Variants in ETV1 observed in about 807,000 individuals in gnomAD.
The protein encoded by ETV1 is ETS variant transcription factor 1.
ETV1 carries 27 observed loss-of-function variants against 62.3 expected under a neutral mutation model. That is an observed-to-expected ratio of 0.43 (90% CI 0.32 to 0.60). The LOEUF (loss-of-function observed/expected upper bound fraction) is 0.60, where lower values mean the gene tolerates loss of function less well. Ranked by LOEUF, ETV1 falls within the 20% of genes least tolerant of loss-of-function variation. The pLI, the probability that ETV1 is intolerant of heterozygous loss-of-function variation, is 0.06. For missense variants in ETV1, 605 were observed against 605.8 expected, an observed-to-expected ratio of 1.00 and a Z score of 0.01; for synonymous variants, 222 against 199.6, an observed-to-expected ratio of 1.11 and a Z score of -0.94.
intron 6 of ETV1, among the ~76,000 whole-genome samples, chr7:13,970,502 A>G (rs183281601): frequency 6.6e-6 from 1 of 152,234 alleles, no homozygotes; most frequent in East Asian, 1.9e-4. Context: ...AAAAGTTTTA[A>G]ATCTTTTTGA....
chr7:13,944,910 G>C (rs1787975182), intron 6 of ETV1, among the ~76,000 whole-genome samples: 1 of 152,114 alleles, frequency 6.6e-6, no homozygotes, highest in African/African-American at 2.4e-5. Context: ...GTGAAAATGA[G>C]GGCATAGGTA....
chr7:13,927,773 T>A (rs1275372525), intron 9 of ETV1, among the ~76,000 whole-genome samples: 1 of 152,212 alleles, frequency 6.6e-6, no homozygotes, highest in East Asian at 1.9e-4. Context: ...TAAGTTTTCA[T>A]AGGCCCTGGT....
chr7:13,904,104 A>G (rs755474797), intron 12 of ETV1, among the ~76,000 whole-genome samples: 1 of 152,210 alleles, frequency 6.6e-6, no homozygotes, highest in Non-Finnish European at 1.5e-5. Context: ...CACAAAGACA[A>G]GAAATTTCAC....
At position 13,989,547 on chromosome 7, in the gene ETV1, T is replaced by C; in HGVS notation, c.-285+16A>G. On this transcript the variant is annotated intron_variant, in intron 1 of 13. Transcript: ENST00000430479. ...AATTATCTGGAGAGACATAAAAAGT[T>C]GTTGGAAAGACCCACCTGAAGGCCA... 1 of 399,058 alleles carries C rather than the reference T, an allele frequency of 2.5e-6. No homozygotes were observed. The highest frequency in any genetic ancestry group is 4.4e-6 in the Non-Finnish European group (1 of 226,188). 24.7% of individuals were successfully genotyped at this position (399,058 alleles called of 1,614,324 possible).
intron 6 of ETV1, among the ~76,000 whole-genome samples, chr7:13,975,409 G>C (rs367725297): frequency 3.9e-5 from 6 of 152,000 alleles, no homozygotes; most frequent in African/African-American, 9.7e-5. Context: ...AGCTGGGAGT[G>C]ATGGCGGATG....
Position 13,931,765 on chromosome 7 carries a change from G to A in ETV1, c.555-16C>T, listed in dbSNP as rs777029940. ...GCGGCGAAATCTAGGGAATAAGAGA[G>A]TGTGTTTCAGATGAAACGGTAACAT... On this transcript the variant is annotated splice_polypyrimidine_tract_variant and intron_variant, in intron 8 of 13. Transcript: ENST00000430479. The A allele has an allele frequency of 3.7e-6, 6 of 1,611,234 alleles. No individual in the cohort carries two copies. The South Asian group carries it at 4.4e-5, about 12-fold the overall frequency.
intron 6 of ETV1, among the ~76,000 whole-genome samples, chr7:13,959,281 A>T (rs1377691012): frequency 6.6e-6 from 1 of 152,156 alleles, no homozygotes; most frequent in Admixed American, 6.5e-5. Flanking sequence ...CTGGTTATCA[A>T]TAGGAAGTAG....
intron 12 of ETV1, among the ~76,000 whole-genome samples, chr7:13,902,397 G>A (rs1782532591): frequency 6.6e-6 from 1 of 151,574 alleles, no homozygotes; most frequent in African/African-American, 2.4e-5. Context: ...AGAGAGATGC[G>A]ATGTAACAGG....
intron 9 of ETV1, among the ~76,000 whole-genome samples, chr7:13,916,750 G>A (rs1784220870): frequency 6.6e-6 from 1 of 152,066 alleles, no homozygotes; most frequent in Admixed American, 6.6e-5. Context: ...GCAATATGGT[G>A]AAACCCCATC....
rs1405275943 is a variant in ETV1, at chr7:13,893,602, AAAAG to A, written c.*2260_*2263del. 4.3e-6 allele frequency: 1 copy of A among 232,102 alleles called. No individual in the cohort carries two copies. The highest frequency in any genetic ancestry group is 8.5e-6 in the Non-Finnish European group (1 of 117,510). The allele number at this position is 232,102 out of a possible 1,614,324, so 14.4% of individuals were successfully genotyped here. On this transcript the variant is annotated 3_prime_UTR_variant, in exon 14 of 14. Coordinates refer to ENST00000430479, the MANE Select transcript of ETV1 (RefSeq NM_004956.5). Reference sequence around the variant, plus strand: ...CTGACTGACTAAAACTAGACTATTAAAAAGAAGAAAAAGGAGAAAAGAGAAAAAG... The same window carrying A: ...CTGACTGACTAAAACTAGACTATTAAAAGAAAAAGGAGAAAAGAGAAAAAG...
At chr7:13,967,119 T>C (rs151079278) in intron 6 of ETV1, among the ~76,000 whole-genome samples, 1,605 of 152,274 alleles carry the variant, frequency 0.011, 38 homozygotes, top group African/African-American at 0.037. Flanking sequence ...ATAACAGTAA[T>C]GGATACGGAT....
At chr7:13,940,353 C>T (rs1298844171) in intron 6 of ETV1, among the ~76,000 whole-genome samples, 1 of 142,226 alleles carries the variant, frequency 7.0e-6, no homozygotes, top group Non-Finnish European at 1.5e-5. Flanking sequence ...CAGAGCGAGA[C>T]TCCACCTCAA....
intron 9 of ETV1, among the ~76,000 whole-genome samples, chr7:13,917,273 C>A (rs555674304): frequency 1.3e-5 from 2 of 151,452 alleles, no homozygotes; most frequent in Non-Finnish European, 2.9e-5. Context: ...AACATAGACA[C>A]AACTGTAACT....
At chr7:13,941,645 G>A (rs1190387378) in intron 6 of ETV1, among the ~76,000 whole-genome samples, 5 of 152,002 alleles carry the variant, frequency 3.3e-5, no homozygotes, top group African/African-American at 1.2e-4. Flanking sequence ...TCAATGTGGG[G>A]AGATCACTTG....
At chr7:13,951,630 C>T (rs776253741) in intron 6 of ETV1, among the ~76,000 whole-genome samples, 46 of 152,268 alleles carry the variant, frequency 3.0e-4, no homozygotes, top group Non-Finnish European at 5.1e-4. Flanking sequence ...AACATGGAGA[C>T]TAAATCTTGG....
In ETV1 at chr7:13,959,204, C is replaced by T. The variant is rs987114404; in HGVS notation, c.235+18223G>A. ...CTTACACATCTATAGTATCCTCACT[C>T]TTCAAAGCCCCTTTGAAAGATAAGG... is the stretch of plus-strand genomic sequence containing the variant. On this transcript the variant is annotated intron_variant, in intron 6 of 13. Coordinates refer to ENST00000430479, the MANE Select transcript of ETV1 (RefSeq NM_004956.5). Among the ~76,000 whole-genome samples the T allele has an allele frequency of 4.6e-5, 7 of 152,200 alleles. No individual in the cohort carries two copies. In the Middle Eastern group the frequency reaches 0.01, roughly 223 times the overall value.
intron 8 of ETV1, 117 bp downstream of exon 8, chr7:13,935,591 G>T (rs533922357): frequency 5.1e-6 from 4 of 786,118 alleles, no homozygotes; most frequent in South Asian, 3.6e-5. Context: ...ATTTTGCACA[G>T]ATGTGCAAAA....
intron 6 of ETV1, among the ~76,000 whole-genome samples, chr7:13,944,182 C>T (rs1166900119): frequency 2.0e-5 from 3 of 152,148 alleles, no homozygotes; most frequent in Admixed American, 6.5e-5. Flanking sequence ...GTGAGTTTCC[C>T]GAAGTGACCT....
At chr7:13,953,246 C>T (rs75341528) in intron 6 of ETV1, among the ~76,000 whole-genome samples, 6,155 of 152,140 alleles carry the variant, frequency 0.04, 324 homozygotes, top group African/African-American at 0.13. Context: ...AATGAAGTGC[C>T]TGAATCAAGA....
Sources: gnomAD v4.1 joint callset for allele counts (sites outside exome capture counted in the v4.1 genomes callset) on GRCh38, gnomAD v4.1.1 for gene constraint, MANE v1.5 for transcripts, NCBI Gene and HGNC (gene_info 2026-07-23, HGNC 2026-07-21) for gene names.